The following DCBLD2 variants were observed in gnomAD, a reference collection of about 807,000 sequenced individuals.
The protein encoded by DCBLD2 is discoidin, CUB and LCCL domain containing 2.
In DCBLD2, 54 loss-of-function variants were observed where a neutral mutation model predicts 86.8. The ratio of observed to expected loss-of-function variants is 0.62; its 90% CI spans 0.50 to 0.78. DCBLD2 has a LOEUF of 0.78. Among genes scored for constraint, DCBLD2 ranks in the 30% least tolerant of loss-of-function variants. The pLI, the probability that DCBLD2 is intolerant of heterozygous loss-of-function variation, is 0.00. For synonymous variants in DCBLD2, 354 were observed against 341.3 expected, an observed-to-expected ratio of 1.04 and a Z score of -0.41; for missense variants, 908 against 954.2, an observed-to-expected ratio of 0.95 and a Z score of 0.64.
At chr3:98,817,563 C>T (rs566273784) in intron 9 of DCBLD2, among the ~76,000 whole-genome samples, 122 of 152,146 alleles carry the variant, frequency 8.0e-4, no homozygotes, top group African/African-American at 2.4e-3. Context: ...AAGTACTCAC[C>T]GTTACAATCA....
intron 3 of DCBLD2, among the ~76,000 whole-genome samples, chr3:98,837,007 G>C (rs867560126): frequency 2.3e-5 from 1 of 44,244 alleles, no homozygotes; most frequent in Non-Finnish European, 4.7e-5. Flanking sequence ...GGGCAGAGGC[G>C]CCCCTCACCT....
In DCBLD2 at chr3:98,870,753, G is replaced by GA. The variant is rs764876057; in HGVS notation, c.433+10786dup. Among the ~76,000 whole-genome samples the GA allele has an allele frequency of 2.0e-3, 246 of 125,764 alleles. 4 individuals are homozygous for GA. The highest frequency in any genetic ancestry group is 0.02 in the Middle Eastern group (5 of 256). 82.5% of individuals were successfully genotyped at this position (125,764 alleles called of 152,430 possible). A position where few individuals can be genotyped will look rare whatever the true frequency, so the allele number is the denominator to read the frequency against. On this transcript the variant is annotated intron_variant, in intron 2 of 15. Coordinates refer to ENST00000326840, the MANE Select transcript of DCBLD2 (RefSeq NM_080927.4). ...AAAGAAAGAAAAAGAAAGAAAGAAA[G>GA]AAAGAAAGAAAGAAAGAAAGAAAGA...
chr3:98,822,078 G>C (rs1942129489), intron 6 of DCBLD2, 150 bp downstream of exon 6: 1 of 957,226 alleles, frequency 1.0e-6, no homozygotes, highest in African/African-American at 1.6e-5. Flanking sequence ...CAGACACTGA[G>C]CACACTAATG....
chr3:98,901,092 C>G lies in DCBLD2; in HGVS notation c.205+30G>C, dbSNP rs901849059. On this transcript the variant is annotated intron_variant, in intron 1 of 15. Transcript: ENST00000326840. The stretch of plus-strand genomic sequence containing the variant: ...GACCCGCAGCCCCGACGGAGGTTCC[C>G]CCGCCGCTCACTCCCCTGGGACCAC... 7.2e-6 allele frequency: 11 copies of G among 1,538,212 alleles called. No homozygotes were observed. In the Admixed American group the frequency reaches 2.2e-4, roughly 30 times the overall value.
At position 98,870,719 on chromosome 3, in the gene DCBLD2, AG is replaced by A. The variant is rs1235490022; in HGVS notation, c.433+10820del. On this transcript the variant is annotated intron_variant, in intron 2 of 15. Transcript: ENST00000326840. ...AAGAGAGAGAAAAAAAGAAAGAAAA[AG>A]GAAAAGAAAAGAAAGAAAAAGAAAG... Among the ~76,000 whole-genome samples the A allele has an allele frequency of 3.4e-3, 444 of 132,274 alleles. 15 individuals are homozygous for A. The highest frequency in any genetic ancestry group is 0.012 in the African/African-American group (417 of 34,600). 86.8% of individuals were successfully genotyped at this position (132,274 alleles called of 152,430 possible).
chr3:98,847,998 T>C (rs2470879), intron 3 of DCBLD2, among the ~76,000 whole-genome samples: 54,543 of 151,960 alleles, frequency 0.36, 9,887 homozygotes, highest in Non-Finnish European at 0.38. Context: ...ACTTTTAAGT[T>C]TGGGGTACAT....
intron 13 of DCBLD2, among the ~76,000 whole-genome samples, chr3:98,806,818 C>A (rs1941848658): frequency 6.6e-6 from 1 of 152,184 alleles, no homozygotes; most frequent in Non-Finnish European, 1.5e-5. Flanking sequence ...ACCTCAGATT[C>A]CTCCTGTATC....
At chr3:98,829,126 T>A (rs1942277189) in intron 3 of DCBLD2, among the ~76,000 whole-genome samples, 1 of 152,138 alleles carries the variant, frequency 6.6e-6, no homozygotes, top group Non-Finnish European at 1.5e-5. Context: ...CACTGAAAAA[T>A]CAATGAATTG....
At chr3:98,892,360 G>C (rs1943677131) in intron 1 of DCBLD2, among the ~76,000 whole-genome samples, 1 of 152,016 alleles carries the variant, frequency 6.6e-6, no homozygotes, top group African/African-American at 2.4e-5. Flanking sequence ...TGTTTATCTA[G>C]TACCCTGCCT....
chr3:98,860,833 C>G (rs1943028209), intron 2 of DCBLD2, among the ~76,000 whole-genome samples: 2 of 152,122 alleles, frequency 1.3e-5, no homozygotes. Context: ...GCAAAATAAC[C>G]AGCTAACATC....
chr3:98,827,618 A>AGAACCGTCTGAC (rs1942245505), intron 3 of DCBLD2, among the ~76,000 whole-genome samples: 1 of 152,234 alleles, frequency 6.6e-6, no homozygotes, highest in Admixed American at 6.5e-5. Context: ...TTCAAAATGG[A>AGAACCGTCTGAC]CAGCTACAAG....
intron 14 of DCBLD2, 134 bp from the exon 15 acceptor site, chr3:98,800,850 C>CA: frequency 9.4e-6 from 11 of 1,172,962 alleles, no homozygotes; most frequent in Non-Finnish European, 1.1e-5. Context: ...CTTTATAATC[C>CA]AACTTTTTTT....
At chr3:98,839,165 T>TTC (rs1559781539) in intron 3 of DCBLD2, among the ~76,000 whole-genome samples, 21 of 129,024 alleles carry the variant, frequency 1.6e-4, no homozygotes, top group African/African-American at 5.6e-4. Flanking sequence ...CTTTCTTTCT[T>TTC]TCTTTCCTTT....
chr3:98,866,195 C>G (rs1490175243), intron 2 of DCBLD2, among the ~76,000 whole-genome samples: 5 of 152,110 alleles, frequency 3.3e-5, no homozygotes, highest in African/African-American at 4.8e-5. Flanking sequence ...TTTATAGCAG[C>G]ATGATTTATA....
intron 3 of DCBLD2, among the ~76,000 whole-genome samples, chr3:98,836,661 G>A (rs1373458443): frequency 2.4e-5 from 3 of 124,180 alleles, no homozygotes; most frequent in Non-Finnish European, 3.6e-5. Flanking sequence ...TCACTTCCCA[G>A]TAGGGGCGGC....
chr3:98,839,179 T>TCCTTTCTTCCTTC (rs1559781600), intron 3 of DCBLD2, among the ~76,000 whole-genome samples: 4 of 113,164 alleles, frequency 3.5e-5, no homozygotes, highest in African/African-American at 1.5e-4. Flanking sequence ...TTCCTTTCTT[T>TCCTTTCTTCCTTC]CTTCCTTCCT....
chr3:98,868,905 T>C (rs999866515), intron 2 of DCBLD2, among the ~76,000 whole-genome samples: 2 of 152,212 alleles, frequency 1.3e-5, no homozygotes, highest in Non-Finnish European at 2.9e-5. Context: ...ATCTTTTCCA[T>C]GGTGAATTCT....
chr3:98,855,805 C>T (rs549326157), intron 2 of DCBLD2, among the ~76,000 whole-genome samples: 2 of 152,294 alleles, frequency 1.3e-5, no homozygotes, highest in South Asian at 4.1e-4. Context: ...CTTTCCTTCT[C>T]TCTTATGAAA....
At chr3:98,881,896 A>AT (rs938919744) in intron 1 of DCBLD2, 129 bp from the exon 2 acceptor site, 115 of 890,568 alleles carry the variant, frequency 1.3e-4, no homozygotes, top group African/African-American at 1.7e-4. Context: ...TTTCTATTTT[A>AT]TTTTTTTTAA....
Sources: allele counts gnomAD v4.1 joint callset (sites outside exome capture counted in the v4.1 genomes callset), GRCh38; gene constraint gnomAD v4.1.1; transcripts MANE v1.5; gene names NCBI Gene and HGNC (gene_info 2026-07-23, HGNC 2026-07-21).